SNX9: variants seen among roughly 807,000 people sequenced by gnomAD.
SNX9 encodes the protein sorting nexin-9.
A neutral mutation model predicts 89.4 loss-of-function variants in SNX9; 44 were observed. The observed-to-expected ratio is 0.49, with a 90% CI of 0.39 to 0.63. The LOEUF (loss-of-function observed/expected upper bound fraction) is 0.63, where lower values mean the gene tolerates loss of function less well. Ranked by LOEUF, SNX9 falls within the 30% of genes least tolerant of loss-of-function variation. The pLI, the probability that SNX9 is intolerant of heterozygous loss-of-function variation, is 0.00. For missense variants in SNX9, 578 were observed against 736.1 expected (o/e 0.79, Z 2.49); for synonymous variants, 236 against 247.8 (o/e 0.95, Z 0.45).
intron 7 of SNX9, among the ~76,000 whole-genome samples, chr6:157,908,119 C>T (rs1384873450): frequency 6.6e-6 from 1 of 151,956 alleles, no homozygotes; most frequent in Non-Finnish European, 1.5e-5. Context: ...CTGGGTATAC[C>T]TTTTTTTCCT....
intron 5 of SNX9, among the ~76,000 whole-genome samples, chr6:157,899,764 G>A (rs1989358): frequency 0.23 from 35,122 of 151,826 alleles, 4,239 homozygotes; most frequent in African/African-American, 0.28. Context: ...ACAAAGCGAG[G>A]CTCCGTCTCA....
chr6:157,838,210 G>T (rs1781622360), intron 1 of SNX9, among the ~76,000 whole-genome samples: 1 of 151,558 alleles, frequency 6.6e-6, no homozygotes, highest in Non-Finnish European at 1.5e-5. Context: ...ATGGTGTTTT[G>T]CCATGTTGCC....
At chr6:157,876,310 G>A (rs988556051) in intron 4 of SNX9, among the ~76,000 whole-genome samples, 4 of 152,144 alleles carry the variant, frequency 2.6e-5, no homozygotes, top group Non-Finnish European at 4.4e-5. Flanking sequence ...AAATTAGCTA[G>A]GTGTGGTGGC....
chr6:157,838,776 A>G (rs1381477985), intron 1 of SNX9, among the ~76,000 whole-genome samples: 2 of 152,200 alleles, frequency 1.3e-5, no homozygotes, highest in African/African-American at 4.8e-5. Flanking sequence ...CAGAAAGTAC[A>G]TTTTAGAGAA....
At chr6:157,929,504 T>G (rs926815615) in intron 12 of SNX9, among the ~76,000 whole-genome samples, 1 of 152,228 alleles carries the variant, frequency 6.6e-6, no homozygotes, top group Non-Finnish European at 1.5e-5. Flanking sequence ...TCTGCCCTTA[T>G]TGCTGTGTCT....
chr6:157,903,132 A>C (rs1376035743), intron 6 of SNX9, among the ~76,000 whole-genome samples: 1 of 152,208 alleles, frequency 6.6e-6, no homozygotes, highest in Admixed American at 6.5e-5. Context: ...CTTCCATCAG[A>C]ATTTTCAAGT....
intron 14 of SNX9, among the ~76,000 whole-genome samples, chr6:157,936,341 C>T (rs1189222499): frequency 6.6e-6 from 1 of 152,110 alleles, no homozygotes; most frequent in Non-Finnish European, 1.5e-5. Context: ...GCCTGGGCAA[C>T]ACAGTGAACC....
intron 1 of SNX9, among the ~76,000 whole-genome samples, chr6:157,843,933 G>A (rs993070609): frequency 1.4e-5 from 2 of 144,726 alleles, no homozygotes; most frequent in Admixed American, 6.9e-5. Flanking sequence ...AGAGTGCAGT[G>A]GCATGATCTT....
chr6:157,892,101 G>A (rs1446084545), intron 4 of SNX9, among the ~76,000 whole-genome samples: 1 of 152,112 alleles, frequency 6.6e-6, no homozygotes, highest in Non-Finnish European at 1.5e-5. Flanking sequence ...ATGCTGCTCA[G>A]TAGAAAGGAA....
At chr6:157,856,047 C>G (rs1306754817) in intron 1 of SNX9, among the ~76,000 whole-genome samples, 1 of 152,208 alleles carries the variant, frequency 6.6e-6, no homozygotes, top group East Asian at 1.9e-4. Flanking sequence ...CCACGCCCGG[C>G]CTGTCATTGA....
chr6:157,844,696 G>A (rs1562592251), intron 1 of SNX9, among the ~76,000 whole-genome samples: 2 of 150,564 alleles, frequency 1.3e-5, no homozygotes, highest in East Asian at 3.9e-4. Flanking sequence ...CAAGGTCAAG[G>A]GGTTCTCCTG....
chr6:157,901,015 C>T (rs1301281606), intron 5 of SNX9, among the ~76,000 whole-genome samples: 2 of 152,172 alleles, frequency 1.3e-5, no homozygotes, highest in Admixed American at 1.3e-4. Context: ...TGTTTATAGG[C>T]TCTTTACAAG....
intron 4 of SNX9, among the ~76,000 whole-genome samples, 184 bp from the exon 5 acceptor site, chr6:157,896,643 T>C (rs898811324): frequency 5.9e-5 from 9 of 152,260 alleles, no homozygotes; most frequent in Non-Finnish European, 8.8e-5. Flanking sequence ...AGATTGATGC[T>C]ACCTTTTGTG....
In SNX9 at chr6:157,840,472, TTCTC is replaced by T. The variant is rs542538171; in HGVS notation, c.12+17040_12+17043del. Among the ~76,000 whole-genome samples, 584 of 150,562 alleles carry T rather than the reference TTCTC, an allele frequency of 3.9e-3. 6 individuals carry two copies. Among genetic ancestry groups the T allele is most frequent in the African/African-American group, 0.013 (542 of 40,944 alleles). On this transcript the variant is annotated intron_variant, in intron 1 of 17. Transcript: ENST00000392185. ...CTTTCCTTCCTTCCTTCCTTCTCCC[TTCTC>T]TCTCTCTCTCTCTTTCTTTCTCTTT...
chr6:157,891,295 T>C (rs1055138654), intron 4 of SNX9, among the ~76,000 whole-genome samples: 1 of 152,066 alleles, frequency 6.6e-6, no homozygotes, highest in Admixed American at 6.6e-5. Flanking sequence ...TCCCAAAATG[T>C]TGGGATTACA....
intron 1 of SNX9, among the ~76,000 whole-genome samples, chr6:157,863,891 GAT>G (rs1156782517): frequency 1.3e-5 from 2 of 152,180 alleles, no homozygotes; most frequent in Non-Finnish European, 2.9e-5. Flanking sequence ...CTTATTTGGA[GAT>G]ATGGTTATTA....
intron 6 of SNX9, 47 bp downstream of exon 6, chr6:157,902,092 A>G (rs764540092): frequency 1.3e-6 from 2 of 1,586,450 alleles, no homozygotes; most frequent in Non-Finnish European, 8.6e-7. Flanking sequence ...GTAGAAGTAT[A>G]CATTAATACA....
At chr6:157,859,506 T>C (rs1782076224) in intron 1 of SNX9, among the ~76,000 whole-genome samples, 2 of 152,246 alleles carry the variant, frequency 1.3e-5, no homozygotes, top group Admixed American at 1.3e-4. Context: ...AGAAGCTATA[T>C]TGGGGTAGCA....
At chr6:157,870,285 T>C (rs914266394) in intron 2 of SNX9, among the ~76,000 whole-genome samples, 1 of 124,274 alleles carries the variant, frequency 8.0e-6, no homozygotes, top group Non-Finnish European at 1.7e-5. Context: ...TGCTCTCACA[T>C]ATGCACTCAC....
Sources: allele counts gnomAD v4.1 joint callset (sites outside exome capture counted in the v4.1 genomes callset), GRCh38; gene constraint gnomAD v4.1.1; transcripts MANE v1.5; gene names NCBI Gene and HGNC (gene_info 2026-07-23, HGNC 2026-07-21).